The following ADNP variants were observed in gnomAD, a reference collection of about 807,000 sequenced individuals.
ADNP encodes activity dependent neuroprotector homeobox.
ADNP carries 4 observed loss-of-function variants against 84.9 expected under a neutral mutation model. That is an observed-to-expected ratio of 0.05 (90% CI 0.02 to 0.11). The LOEUF is 0.11. Ranked by LOEUF, ADNP falls within the 10% of genes least tolerant of loss-of-function variation. The probability of loss-of-function intolerance (pLI) is 1.00; values close to 1 mark genes in which losing one functional copy is unlikely to be tolerated. For missense variants in ADNP, 1,132 were observed against 1,326.0 expected (o/e 0.85, Z 2.27); for synonymous variants, 554 against 468.1 (o/e 1.18, Z -2.37).
chr20:50,914,948 T>A (rs1279477336), intron 2 of ADNP, among the ~76,000 whole-genome samples: 1 of 151,820 alleles, frequency 6.6e-6, no homozygotes, highest in Non-Finnish European at 1.5e-5. Context: ...TAGAAAATAA[T>A]GAAAAACAAC....
Position 50,930,961 on chromosome 20 carries a change from C to T in ADNP, c.-400G>A, listed in dbSNP as rs1274522325. On this transcript the variant is annotated 5_prime_UTR_variant, in exon 1 of 6. Coordinates refer to ENST00000621696, the MANE Select transcript of ADNP (RefSeq NM_001282531.3). ...CGCCCGGGGCCTCGTCGCGCTCCGGCTCGGCGGACTCCGGCTCGCGCCGCG... is the reference window on the plus strand; with the variant it reads ...CGCCCGGGGCCTCGTCGCGCTCCGGTTCGGCGGACTCCGGCTCGCGCCGCG... 6.9e-6 allele frequency: 1 copy of T among 144,282 alleles called. No individual in the cohort carries two copies. The highest frequency in any genetic ancestry group is 1.5e-5 in the Non-Finnish European group (1 of 64,874). 8.9% of individuals were successfully genotyped at this position (144,282 alleles called of 1,614,324 possible).
intron 1 of ADNP, among the ~76,000 whole-genome samples, chr20:50,929,574 G>A (rs1029939419): frequency 1.3e-5 from 2 of 152,146 alleles, no homozygotes; most frequent in African/African-American, 4.8e-5. Flanking sequence ...CAGAGAATGC[G>A]CCCCCTACTG....
chr20:50,929,246 G>T (rs1382178595), intron 1 of ADNP, among the ~76,000 whole-genome samples: 18 of 152,206 alleles, frequency 1.2e-4, no homozygotes, highest in Admixed American at 1.2e-3. Context: ...CAAAACTTGA[G>T]GTGGAAGAAC....
chr20:50,922,515 T>TG (rs1226425208), intron 2 of ADNP, among the ~76,000 whole-genome samples: 2 of 150,828 alleles, frequency 1.3e-5, no homozygotes, highest in South Asian at 2.1e-4. Flanking sequence ...ATACCCTCTC[T>TG]GGGGGCGCCA....
At chr20:50,917,866 T>C (rs553137586) in intron 2 of ADNP, among the ~76,000 whole-genome samples, 50 of 152,300 alleles carry the variant, frequency 3.3e-4, no homozygotes, top group Middle Eastern at 3.4e-3. Context: ...TGGGATATGA[T>C]TGAACCATGA....
chr20:50,916,559 C>G (rs1358549327), intron 2 of ADNP, among the ~76,000 whole-genome samples: 1 of 152,124 alleles, frequency 6.6e-6, no homozygotes, highest in Non-Finnish European at 1.5e-5. Flanking sequence ...TCCCTAGTTC[C>G]CTGGATAAAC....
rs562055324 is a variant in ADNP at position 50,894,402 on chromosome 20, C to T, written c.312G>A (p.Arg104=). The change falls in exon 6 of 6, where the codon AGG becomes AGA. Residue 104 remains arginine, a synonymous_variant. Transcript: ENST00000621696. Reference sequence around the variant, plus strand: ...TACAGTAGGGGCAATTAAGGAGAATCCTATTTTCAAAGTCTTCACTATGGA... The same window carrying T: ...TACAGTAGGGGCAATTAAGGAGAATTCTATTTTCAAAGTCTTCACTATGGA... ...RNVHSEDFEN[R]ILLNCPYCTF... is the part of the protein sequence containing the mutation. 16 of 1,614,032 alleles carry T rather than the reference C, an allele frequency of 9.9e-6. No individual in the cohort carries two copies. In the South Asian group the frequency reaches 1.1e-4, roughly 11 times the overall value.
At chr20:50,916,815 C>T (rs1225016091) in intron 2 of ADNP, among the ~76,000 whole-genome samples, 1 of 152,096 alleles carries the variant, frequency 6.6e-6, no homozygotes, top group Non-Finnish European at 1.5e-5. Context: ...TTCAGGGTCT[C>T]CTCAACTGCA....
chr20:50,894,936 T>C (rs890153926), intron 5 of ADNP, among the ~76,000 whole-genome samples: 6 of 152,082 alleles, frequency 3.9e-5, no homozygotes, highest in Admixed American at 3.3e-4. Flanking sequence ...CCCTTTTGTA[T>C]AGTAACTTTA....
intron 3 of ADNP, chr20:50,904,240 C>A: frequency 2.1e-6 from 1 of 480,446 alleles, no homozygotes. Flanking sequence ...GTCGCGCAGG[C>A]TGGAGTGCAG....
At chr20:50,898,546 C>A (rs1410361900) in intron 5 of ADNP, among the ~76,000 whole-genome samples, 1 of 152,190 alleles carries the variant, frequency 6.6e-6, no homozygotes, top group Non-Finnish European at 1.5e-5. Context: ...TGTTCTTGTT[C>A]TTCAAGATCA....
rs7262122 is a variant in ADNP, at chr20:50,903,801, T to A, written c.108+88A>T. Reference sequence around the variant, plus strand: ...GCTGTGGCTGAAATTCAGAATCACATCTAAGATTTAGCCATCTTGGCCACT... The same window carrying A: ...GCTGTGGCTGAAATTCAGAATCACAACTAAGATTTAGCCATCTTGGCCACT... On this transcript the variant is annotated intron_variant, in intron 4 of 5. Coordinates refer to ENST00000621696, the MANE Select transcript of ADNP (RefSeq NM_001282531.3). 533 of 933,260 alleles carry A rather than the reference T, an allele frequency of 5.7e-4. 2 individuals are homozygous for A. The African/African-American group carries it at 7.1e-3, about 12-fold the overall frequency. The allele number at this position is 933,260 out of a possible 1,614,324, so 57.8% of individuals were successfully genotyped here. A position where few individuals can be genotyped will look rare whatever the true frequency, so the allele number is the denominator to read the frequency against.
chr20:50,909,194 G>A (rs931348460), intron 2 of ADNP, among the ~76,000 whole-genome samples: 2 of 151,360 alleles, frequency 1.3e-5, no homozygotes, highest in East Asian at 1.9e-4. Context: ...GAGAAACCCC[G>A]TCTCTGCTAA....
intron 5 of ADNP, among the ~76,000 whole-genome samples, chr20:50,898,488 G>A (rs1981636809): frequency 6.6e-6 from 1 of 152,180 alleles, no homozygotes; most frequent in African/African-American, 2.4e-5. Context: ...ATTTTTGTTA[G>A]TCTCATTGCC....
In ADNP at chr20:50,919,289, GTGTATATATATATATA is replaced by G. The variant is rs1353129740; in HGVS notation, c.-90+9346_-90+9361del. ...AGCCTGAAAAAATACATATATTTAA[GTGTATATATATATATA>G]TATATATATATGTAAAAAGCCAGGT... On this transcript the variant is annotated intron_variant, in intron 2 of 5. Transcript: ENST00000621696. 1.0e-3 allele frequency among the ~76,000 whole-genome samples: 65 copies of G among 64,694 alleles called. 4 individuals are homozygous for G. Among genetic ancestry groups the G allele is most frequent in the African/African-American group, 3.2e-3 (59 of 18,154 alleles). The allele number at this position is 64,694 out of a possible 152,430, so 42.4% of individuals were successfully genotyped here. A position where few individuals can be genotyped will look rare whatever the true frequency, so the allele number is the denominator to read the frequency against.
chr20:50,919,685 C>A (rs1436429239), intron 2 of ADNP, among the ~76,000 whole-genome samples: 2 of 152,166 alleles, frequency 1.3e-5, no homozygotes, highest in Admixed American at 1.3e-4. Context: ...GCAACAGCTG[C>A]TGAGTTGGGG....
At chr20:50,921,885 T>A (rs982975323) in intron 2 of ADNP, among the ~76,000 whole-genome samples, 11 of 152,168 alleles carry the variant, frequency 7.2e-5, no homozygotes, top group Non-Finnish European at 2.9e-5. Context: ...AATTTAGATT[T>A]AGGGAGAGTG....
intron 2 of ADNP, among the ~76,000 whole-genome samples, chr20:50,911,510 C>CTTT (rs371456557): frequency 3.5e-5 from 5 of 141,902 alleles, no homozygotes; most frequent in Admixed American, 1.4e-4. Context: ...CTTTTCTTTT[C>CTTT]TTTTTTTTTT....
chr20:50,903,853 A>G, intron 4 of ADNP, 36 bp downstream of exon 4: 1 of 1,475,780 alleles, frequency 6.8e-7, no homozygotes, highest in Non-Finnish European at 9.4e-7. Context: ...TCAGAAGCTG[A>G]GTCATGTTAA....
Sources: gnomAD v4.1 joint callset for allele counts (sites outside exome capture counted in the v4.1 genomes callset) on GRCh38, gnomAD v4.1.1 for gene constraint, MANE v1.5 for transcripts, NCBI Gene and HGNC (gene_info 2026-07-23, HGNC 2026-07-21) for gene names.